DENND2B: variants seen among roughly 807,000 people sequenced by gnomAD.
DENND2B encodes DENN domain containing 2B.
In DENND2B, 32 loss-of-function variants were observed where a neutral mutation model predicts 116.0. The observed-to-expected ratio is 0.28, with a 90% CI of 0.21 to 0.37. The LOEUF (loss-of-function observed/expected upper bound fraction) is 0.37, where lower values mean the gene tolerates loss of function less well. Among genes scored for constraint, DENND2B ranks in the 10% least tolerant of loss-of-function variants. The pLI is 1.00. For synonymous variants in DENND2B, 588 were observed against 583.9 expected (o/e 1.01, Z -0.10); for missense variants, 1,276 against 1,477.7 (o/e 0.86, Z 2.24).
In DENND2B at chr11:8,701,344, C is replaced by CA. The variant is rs1491336392; in HGVS notation, c.2720+1227_2720+1228insT. 2.3e-3 allele frequency among the ~76,000 whole-genome samples: 26 copies of CA among 11,238 alleles called. 2 individuals are homozygous for CA. The highest frequency in any genetic ancestry group is 0.011 in the East Asian group (3 of 282). 7.4% of individuals were successfully genotyped at this position (11,238 alleles called of 152,430 possible). On this transcript the variant is annotated intron_variant, in intron 14 of 19. Transcript: ENST00000313726. ...AGGCTAGGATGGGAAGGCCAGCTTC[C>CA]GGGGGGGGGGGGGGGAGGGGCTACA...
At chr11:8,786,878 T>C (rs1445298828) in intron 1 of DENND2B, among the ~76,000 whole-genome samples, 1 of 152,198 alleles carries the variant, frequency 6.6e-6, no homozygotes, top group African/African-American at 2.4e-5. Context: ...ATGCTCTCCT[T>C]TTCTTCGGTG....
At chr11:8,864,795 A>C (rs1188624172) in intron 2 of DENND2B, among the ~76,000 whole-genome samples, 1 of 152,208 alleles carries the variant, frequency 6.6e-6, no homozygotes, top group East Asian at 1.9e-4. Context: ...GTCTCAGGAC[A>C]CTGACTCTGA....
chr11:8,806,605 A>AACACACATACACACACACACAC (rs2060864124), intron 1 of DENND2B, among the ~76,000 whole-genome samples: 7 of 118,494 alleles, frequency 5.9e-5, no homozygotes, highest in Non-Finnish European at 1.2e-4. Flanking sequence ...CTCCCTTCAA[A>AACACACATACACACACACACAC]ACACACACAC....
chr11:8,785,839 A>G (rs930590868), intron 1 of DENND2B: 7 of 152,214 alleles, frequency 4.6e-5, no homozygotes, highest in African/African-American at 1.2e-4. Context: ...CCAGGCTAGT[A>G]TAAGGATTAA....
At position 8,902,777 on chromosome 11, in the gene DENND2B, G is replaced by GT. The variant is rs1476809849; in HGVS notation, c.-256+8043dup. ...TCTTTAACTTTCAACTTATTTGTGT[G>GT]TTTGACTATAAGTTGTGTTTCTTGT... On this transcript the variant is annotated intron_variant, in intron 1 of 22. Transcript: ENST00000534127. Among the ~76,000 whole-genome samples, 5 of 152,278 alleles carry GT rather than the reference G, an allele frequency of 3.3e-5. No individual in the cohort carries two copies. The South Asian group carries it at 6.2e-4, about 19-fold the overall frequency.
At chr11:8,756,009 C>A (rs2053546738) in intron 1 of DENND2B, among the ~76,000 whole-genome samples, 1 of 152,138 alleles carries the variant, frequency 6.6e-6, no homozygotes, top group African/African-American at 2.4e-5. Flanking sequence ...TTTTCTCAGG[C>A]CAGTTTTCAG....
chr11:8,766,415 C>G (rs973799376), intron 1 of DENND2B, among the ~76,000 whole-genome samples: 16 of 152,220 alleles, frequency 1.1e-4, no homozygotes, highest in African/African-American at 3.9e-4. Flanking sequence ...CTGAAAAGCT[C>G]TATTCAGCTC....
chr11:8,880,762 G>A (rs1217097363), intron 2 of DENND2B, among the ~76,000 whole-genome samples: 1 of 152,016 alleles, frequency 6.6e-6, no homozygotes, highest in Non-Finnish European at 1.5e-5. Flanking sequence ...ACTGAATACT[G>A]CTCAACAATC....
rs754744523 is a variant in DENND2B at position 8,711,237 on chromosome 11, G to C, written c.2173-6C>G. 3 of 1,613,366 alleles carry C rather than the reference G, an allele frequency of 1.9e-6. No individual in the cohort carries two copies. Among genetic ancestry groups the C allele is most frequent in the South Asian group, 1.1e-5 (1 of 91,072 alleles). ...TGCTTGGTGGGTCGGTCCAGCTGCA[G>C]GGAAGAAGGAACCAGGAGATGACAT... is the stretch of plus-strand genomic sequence containing the variant. On this transcript the variant is annotated splice_polypyrimidine_tract_variant and splice_region_variant and intron_variant, in intron 9 of 19. Coordinates refer to ENST00000313726, the MANE Select transcript of DENND2B (RefSeq NM_213618.2).
intron 1 of DENND2B, among the ~76,000 whole-genome samples, chr11:8,772,397 G>C (rs540866686): frequency 2.0e-5 from 3 of 152,056 alleles, no homozygotes; most frequent in African/African-American, 7.2e-5. Context: ...ATTAGCATCT[G>C]AAGTGGGGAC....
intron 1 of DENND2B, chr11:8,809,967 C>T (rs1362219804): frequency 1.3e-5 from 2 of 151,872 alleles, no homozygotes; most frequent in Non-Finnish European, 2.9e-5. Context: ...GCTCAGGCAT[C>T]CCTGTGACAG....
chr11:8,833,892 G>A (rs941870855), intron 4 of DENND2B, among the ~76,000 whole-genome samples: 1 of 152,258 alleles, frequency 6.6e-6, no homozygotes, highest in South Asian at 2.1e-4. Context: ...CTCACAGCCT[G>A]GTGCCAGTGA....
chr11:8,757,007 G>C (rs2053721507), intron 1 of DENND2B: 1 of 456,058 alleles, frequency 2.2e-6, no homozygotes, highest in African/African-American at 2.0e-5. Flanking sequence ...ACAACTATCT[G>C]AAGAGTAACA....
intron 6 of DENND2B, 89 bp downstream of exon 6, chr11:8,715,514 G>A (rs1205549721): frequency 7.3e-7 from 1 of 1,376,752 alleles, no homozygotes; most frequent in Non-Finnish European, 1.0e-6. Flanking sequence ...CCAGATTAGG[G>A]AAGGAAGGAA....
chr11:8,788,587 C>T (rs1228472730), intron 1 of DENND2B, among the ~76,000 whole-genome samples: 1 of 152,204 alleles, frequency 6.6e-6, no homozygotes, highest in African/African-American at 2.4e-5. Flanking sequence ...CCATCTCCTG[C>T]CCTCACACAC....
intron 1 of DENND2B, among the ~76,000 whole-genome samples, chr11:8,888,591 A>C (rs2063988594): frequency 6.6e-6 from 1 of 152,220 alleles, no homozygotes; most frequent in African/African-American, 2.4e-5. Context: ...CATTAAAATT[A>C]AAAATTTGGG....
upstream of DENND2B, among the ~76,000 whole-genome samples, chr11:8,871,698 G>A (rs938859040): frequency 1.3e-5 from 2 of 152,158 alleles, no homozygotes; most frequent in African/African-American, 4.8e-5. Flanking sequence ...TCAACCGAAA[G>A]CTCCAAAAGG....
At chr11:8,697,504 G>A (rs774838255) in intron 17 of DENND2B, 21 bp downstream of exon 17, 19 of 1,595,382 alleles carry the variant, frequency 1.2e-5, no homozygotes, top group Middle Eastern at 1.8e-4. Context: ...AGAGCTGACC[G>A]TGCCCGGGCA....
chr11:8,720,137 G>C (rs1308959298), intron 4 of DENND2B, among the ~76,000 whole-genome samples: 17 of 152,144 alleles, frequency 1.1e-4, no homozygotes. Flanking sequence ...GGAATGGAGG[G>C]AGGGAAGAGT....
Sources: gnomAD v4.1 joint callset for allele counts (sites outside exome capture counted in the v4.1 genomes callset) on GRCh38, gnomAD v4.1.1 for gene constraint, MANE v1.5 for transcripts, NCBI Gene and HGNC (gene_info 2026-07-23, HGNC 2026-07-21) for gene names.